The following HIBADH variants were observed in gnomAD, a reference collection of about 807,000 sequenced individuals.
The protein encoded by HIBADH is 3-hydroxyisobutyrate dehydrogenase, mitochondrial.
Under a neutral mutation model 36.1 loss-of-function variants are expected in HIBADH, and 25 were observed. That is an observed-to-expected ratio of 0.69 (90% CI 0.50 to 0.97). The LOEUF is 0.97. Ranked by LOEUF, HIBADH falls within the 50% of genes least tolerant of loss-of-function variation. The pLI is 0.00. For synonymous variants in HIBADH, 160 were observed against 149.5 expected (o/e 1.07, Z -0.51); for missense variants, 421 against 418.0 (o/e 1.01, Z -0.06).
chr7:27,603,333 T>C (rs1583591854), intron 4 of HIBADH, among the ~76,000 whole-genome samples: 1 of 152,130 alleles, frequency 6.6e-6, no homozygotes, highest in Non-Finnish European at 1.5e-5. Flanking sequence ...AACCTAAACA[T>C]ACAAAAAACA....
chr7:27,618,566 G>A (rs879328537), intron 4 of HIBADH, among the ~76,000 whole-genome samples: 2 of 152,200 alleles, frequency 1.3e-5, no homozygotes, highest in African/African-American at 4.8e-5. Context: ...GCCACTACTG[G>A]CATTGGAGTA....
chr7:27,637,391 G>T (rs1054958504), intron 2 of HIBADH, among the ~76,000 whole-genome samples: 11 of 152,060 alleles, frequency 7.2e-5, no homozygotes, highest in Admixed American at 6.6e-4. Context: ...TATCAGTTAC[G>T]TTTTTTAAAA....
chr7:27,531,248 C>G lies in HIBADH; in HGVS notation c.796G>C (p.Gly266Arg), dbSNP rs529685275. ...TGATAGTTATTAGCCGAGGGAACGC[C>G]ATCCATCACTCCAGGTACAGGATTA... Reference protein sequence around the residue: ...TYNPVPGVMDGVPSANNYQGG... With the variant: ...TYNPVPGVMDRVPSANNYQGG... Residue 266 changes from glycine to arginine, a missense_variant, in exon 7 of 8, where the codon GGC becomes CGC. By Grantham distance (125) the Gly-to-Arg change is moderately radical (BLOSUM62 -2). Transcript: ENST00000265395. 3.0e-5 allele frequency: 48 copies of G among 1,613,976 alleles called. No individual in the cohort carries two copies. The South Asian group carries it at 5.1e-4, about 17-fold the overall frequency.
At chr7:27,607,676 A>T (rs950283680) in intron 4 of HIBADH, among the ~76,000 whole-genome samples, 1 of 152,146 alleles carries the variant, frequency 6.6e-6, no homozygotes, top group African/African-American at 2.4e-5. Context: ...ATGTTTGTAG[A>T]TATTTAACAA....
At chr7:27,603,926 CTT>C (rs1785174516) in intron 4 of HIBADH, among the ~76,000 whole-genome samples, 1 of 152,054 alleles carries the variant, frequency 6.6e-6, no homozygotes, top group Non-Finnish European at 1.5e-5. Context: ...TTCTGTAGTA[CTT>C]TCTCTCCCCT....
chr7:27,532,243 C>T (rs977313644), intron 6 of HIBADH, among the ~76,000 whole-genome samples: 7 of 152,186 alleles, frequency 4.6e-5, no homozygotes, highest in Admixed American at 3.3e-4. Context: ...AATCAAGTTT[C>T]AAATAAAACT....
intron 4 of HIBADH, among the ~76,000 whole-genome samples, chr7:27,608,942 C>A (rs924959130): frequency 6.6e-6 from 1 of 152,204 alleles, no homozygotes; most frequent in Non-Finnish European, 1.5e-5. Context: ...GGTTCCCCCT[C>A]TACCACAGAA....
chr7:27,603,522 C>A (rs1524526), intron 4 of HIBADH, among the ~76,000 whole-genome samples: 65,250 of 151,580 alleles, frequency 0.43, 14,867 homozygotes, highest in East Asian at 0.94. Context: ...TGTTTCCTTG[C>A]CTATATATTT....
intron 4 of HIBADH, among the ~76,000 whole-genome samples, chr7:27,588,093 G>C (rs1468090951): frequency 6.6e-6 from 1 of 152,078 alleles, no homozygotes; most frequent in African/African-American, 2.4e-5. Context: ...AAATCTTTAG[G>C]ATCTTTACTC....
At chr7:27,594,913 G>A (rs1389772596) in intron 4 of HIBADH, among the ~76,000 whole-genome samples, 2 of 152,032 alleles carry the variant, frequency 1.3e-5, no homozygotes, top group African/African-American at 4.8e-5. Context: ...AGATTTCTAC[G>A]CTCACCCCTT....
At chr7:27,624,936 A>T (rs1238286611) in intron 4 of HIBADH, among the ~76,000 whole-genome samples, 3 of 152,210 alleles carry the variant, frequency 2.0e-5, no homozygotes, top group Non-Finnish European at 4.4e-5. Context: ...AGAGACTAAA[A>T]AGACACCTTT....
chr7:27,631,405 C>T (rs59063443), intron 3 of HIBADH, among the ~76,000 whole-genome samples: 1,906 of 152,262 alleles, frequency 0.013, 31 homozygotes, highest in African/African-American at 0.039. Flanking sequence ...ATTCAATTAC[C>T]AGAAACTTCA....
chr7:27,548,089 A>C (rs1036229434), intron 4 of HIBADH, among the ~76,000 whole-genome samples: 2 of 152,070 alleles, frequency 1.3e-5, no homozygotes, highest in African/African-American at 4.8e-5. Flanking sequence ...AAAGTGATAG[A>C]CATCTGTCAC....
chr7:27,557,248 A>C (rs2128186267), intron 4 of HIBADH, among the ~76,000 whole-genome samples: 1 of 151,572 alleles, frequency 6.6e-6, no homozygotes, highest in Admixed American at 6.6e-5. Context: ...TTTATATATT[A>C]TCTCAAGAGA....
intron 4 of HIBADH, among the ~76,000 whole-genome samples, chr7:27,545,915 TAA>T (rs1784230147): frequency 6.6e-6 from 1 of 152,210 alleles, no homozygotes; most frequent in Non-Finnish European, 1.5e-5. Context: ...GGTTGGCTGA[TAA>T]ATAGCATGGT....
intron 7 of HIBADH, among the ~76,000 whole-genome samples, chr7:27,529,949 A>G (rs544702056): frequency 6.6e-6 from 1 of 152,300 alleles, no homozygotes; most frequent in African/African-American, 2.4e-5. Context: ...CCACCAGCAA[A>G]AAAGGACTAT....
At chr7:27,526,451 T>C in intron 7 of HIBADH, 79 bp from the exon 8 acceptor site, 1 of 1,160,856 alleles carries the variant, frequency 8.6e-7, no homozygotes, top group Non-Finnish European at 1.2e-6. Context: ...ATGTTTTGGT[T>C]TGAAAGAAGG....
At chr7:27,573,738 C>T (rs540111112) in intron 4 of HIBADH, among the ~76,000 whole-genome samples, 166 of 152,238 alleles carry the variant, frequency 1.1e-3, no homozygotes, top group African/African-American at 3.5e-3. Flanking sequence ...CTGCTGAGAA[C>T]TTAAAATATA....
intron 4 of HIBADH, among the ~76,000 whole-genome samples, chr7:27,597,312 A>G (rs896188543): frequency 6.6e-6 from 1 of 152,136 alleles, no homozygotes; most frequent in Non-Finnish European, 1.5e-5. Flanking sequence ...ACCAGATAGT[A>G]GGGACTAAAT....
Sources: gnomAD v4.1 joint callset for allele counts (sites outside exome capture counted in the v4.1 genomes callset) on GRCh38, gnomAD v4.1.1 for gene constraint, MANE v1.5 for transcripts, NCBI Gene and HGNC (gene_info 2026-07-23, HGNC 2026-07-21) for gene names.